Variants in XKR9 observed in about 807,000 individuals in gnomAD.
XKR9 encodes the protein XK-related protein 9.
XKR9 carries 32 observed loss-of-function variants against 32.0 expected under a neutral mutation model. The ratio of observed to expected loss-of-function variants is 1.00; its 90% CI spans 0.76 to 1.34. XKR9 has a LOEUF of 1.34. XKR9 is among the 40% of genes most tolerant of loss of function. The pLI is 0.00. For synonymous variants in XKR9, 168 were observed against 143.4 expected (o/e 1.17, Z -1.22); for missense variants, 546 against 429.7 (o/e 1.27, Z -2.39).
the XKR9 span, among the ~76,000 whole-genome samples, chr8:70,969,627 T>C: frequency 6.6e-6 from 1 of 152,206 alleles, no homozygotes; most frequent in Non-Finnish European, 1.5e-5. Context: ...TTTCTCCCTT[T>C]CCCTCATTTT....
chr8:70,680,923 T>C lies in XKR9; in HGVS notation c.-136T>C. On this transcript the variant is annotated 5_prime_UTR_variant, in exon 3 of 5. Coordinates refer to ENST00000408926, the MANE Select transcript of XKR9 (RefSeq NM_001011720.2). ...TGTTCCCATTTCATAATATTTATTC[T>C]TTCTTCTAAATAGATTTAGGGAGTA... is the stretch of plus-strand genomic sequence containing the variant. 1 of 769,292 alleles carries C rather than the reference T, an allele frequency of 1.3e-6. No individual in the cohort carries two copies. The highest frequency in any genetic ancestry group is 2.0e-6 in the Non-Finnish European group (1 of 505,928). 47.7% of individuals were successfully genotyped at this position (769,292 alleles called of 1,614,324 possible). A position where few individuals can be genotyped will look rare whatever the true frequency, so the allele number is the denominator to read the frequency against.
chr8:70,745,050 A>C (rs1807039041), intron 2 of XKR9, among the ~76,000 whole-genome samples: 1 of 150,268 alleles, frequency 6.7e-6, no homozygotes. Flanking sequence ...AAAGGGTAGG[A>C]AATAATATAT....
At chr8:70,873,495 C>A in the XKR9 span, among the ~76,000 whole-genome samples, 1 of 152,128 alleles carries the variant, frequency 6.6e-6, no homozygotes, top group Non-Finnish European at 1.5e-5. Context: ...AGAAGTTATT[C>A]CAACCCTCAT....
the XKR9 span, among the ~76,000 whole-genome samples, chr8:70,858,312 T>C: frequency 2.0e-5 from 3 of 152,088 alleles, no homozygotes; most frequent in African/African-American, 4.8e-5. Context: ...AGCATTCCTA[T>C]ATACCAATAA....
intron 4 of XKR9, among the ~76,000 whole-genome samples, chr8:70,729,498 C>G (rs1586866126): frequency 6.6e-6 from 1 of 152,002 alleles, no homozygotes; most frequent in Non-Finnish European, 1.5e-5. Flanking sequence ...TCTCTTTATT[C>G]TAATGTCATA....
chr8:70,922,075 G>A, the XKR9 span, among the ~76,000 whole-genome samples: 4 of 152,134 alleles, frequency 2.6e-5, no homozygotes, highest in African/African-American at 9.7e-5. Flanking sequence ...GAAGCAATGA[G>A]TAAAGATGTC....
At chr8:70,783,059 A>G (rs1214855260) in intron 2 of XKR9, among the ~76,000 whole-genome samples, 1 of 152,136 alleles carries the variant, frequency 6.6e-6, no homozygotes, top group African/African-American at 2.4e-5. Context: ...TGAACCACCA[A>G]GGGTTCCCTT....
chr8:70,878,255 C>T, the XKR9 span, among the ~76,000 whole-genome samples: 1 of 152,042 alleles, frequency 6.6e-6, no homozygotes, highest in Non-Finnish European at 1.5e-5. Flanking sequence ...AATTAATGGG[C>T]AAAATAACCA....
At chr8:70,754,038 C>T (rs1207847412) in intron 2 of XKR9, among the ~76,000 whole-genome samples, 1 of 146,456 alleles carries the variant, frequency 6.8e-6, no homozygotes, top group Non-Finnish European at 1.5e-5. Flanking sequence ...CCCAAAATCT[C>T]CTTAAGCTGA....
At chr8:70,973,081 C>A in the XKR9 span, among the ~76,000 whole-genome samples, 1 of 152,092 alleles carries the variant, frequency 6.6e-6, no homozygotes, top group Non-Finnish European at 1.5e-5. Flanking sequence ...AACTGTGAAT[C>A]TGTCTGGTCC....
chr8:70,938,700 G>A, the XKR9 span, among the ~76,000 whole-genome samples: 14 of 152,060 alleles, frequency 9.2e-5, no homozygotes, highest in East Asian at 1.9e-4. Context: ...TTCGCTGGCC[G>A]TTTAGTAACA....
At chr8:70,721,144 A>G (rs539517511) in intron 4 of XKR9, among the ~76,000 whole-genome samples, 1 of 152,144 alleles carries the variant, frequency 6.6e-6, no homozygotes, top group East Asian at 1.9e-4. Flanking sequence ...ATCAGTGGTG[A>G]TATCCCCTTT....
the XKR9 span, among the ~76,000 whole-genome samples, chr8:70,957,164 AT>A: frequency 2.0e-5 from 3 of 152,066 alleles, no homozygotes; most frequent in Admixed American, 6.5e-5. Context: ...AATCAGATTT[AT>A]TTTTTTATTT....
the XKR9 span, among the ~76,000 whole-genome samples, chr8:70,830,426 A>G: frequency 3.3e-5 from 5 of 151,986 alleles, no homozygotes; most frequent in Non-Finnish European, 7.4e-5. Flanking sequence ...ACAAAAAAAA[A>G]AAAAAGAAAT....
At chr8:70,792,848 A>G (rs948363752), downstream of XKR9, among the ~76,000 whole-genome samples, 1 of 152,198 alleles carries the variant, frequency 6.6e-6, no homozygotes, top group Admixed American at 6.5e-5. Flanking sequence ...GTGAGAACAC[A>G]GTGAGAAGAA....
intron 2 of XKR9, among the ~76,000 whole-genome samples, chr8:70,788,963 A>T (rs1807727351): frequency 6.6e-6 from 1 of 152,002 alleles, no homozygotes; most frequent in Non-Finnish European, 1.5e-5. Flanking sequence ...TGACTACTGG[A>T]CTAATCCTTG....
intron 1 of XKR9, among the ~76,000 whole-genome samples, chr8:70,670,348 A>G (rs1818670209): frequency 6.6e-6 from 1 of 152,194 alleles, no homozygotes. Flanking sequence ...GCCAAGTATT[A>G]ACTATCCAGT....
chr8:70,811,124 G>A, the XKR9 span, among the ~76,000 whole-genome samples: 1 of 152,262 alleles, frequency 6.6e-6, no homozygotes, highest in Admixed American at 6.5e-5. Flanking sequence ...CTAGAACTCA[G>A]GATTAAGAAA....
At chr8:70,992,784 C>T in the XKR9 span, among the ~76,000 whole-genome samples, 1 of 152,222 alleles carries the variant, frequency 6.6e-6, no homozygotes, top group African/African-American at 2.4e-5. Flanking sequence ...CTCCCACAAC[C>T]AGGCTGAGGT....
Sources: allele counts gnomAD v4.1 joint callset (sites outside exome capture counted in the v4.1 genomes callset), GRCh38; gene constraint gnomAD v4.1.1; transcripts MANE v1.5; gene names NCBI Gene and HGNC (gene_info 2026-07-23, HGNC 2026-07-21).